SNTG1: variants seen among roughly 807,000 people sequenced by gnomAD.
SNTG1 encodes gamma-1-syntrophin.
A neutral mutation model predicts 74.7 loss-of-function variants in SNTG1; 39 were observed. The ratio of observed to expected loss-of-function variants is 0.52; its 90% confidence interval spans 0.40 to 0.68. The LOEUF is 0.68. Ranked by LOEUF, SNTG1 falls within the 30% of genes least tolerant of loss-of-function variation. SNTG1 has a pLI of 0.00. For synonymous variants in SNTG1, 254 were observed against 217.1 expected (o/e 1.17, Z -1.49); for missense variants, 685 against 609.5 (o/e 1.12, Z -1.30).
intron 13 of SNTG1, among the ~76,000 whole-genome samples, chr8:50,614,736 A>T (rs1011502358): frequency 6.6e-5 from 10 of 152,178 alleles, no homozygotes; most frequent in Admixed American, 2.6e-4. Flanking sequence ...ATTGAAAATG[A>T]AATTTCAAAA....
chr8:50,106,258 G>A (rs1192312216), intron 1 of SNTG1, among the ~76,000 whole-genome samples: 1 of 152,070 alleles, frequency 6.6e-6, no homozygotes, highest in Non-Finnish European at 1.5e-5. Context: ...AGAGCAAGGA[G>A]AGGAATTGTC....
chr8:50,422,337 T>TATCAC (rs1454421439), intron 4 of SNTG1, among the ~76,000 whole-genome samples: 16 of 151,578 alleles, frequency 1.1e-4, no homozygotes, highest in Non-Finnish European at 2.1e-4. Context: ...CAAAAAGATA[T>TATCAC]ATAGAAGGAC....
chr8:50,778,668 A>T (rs557837425), intron 18 of SNTG1, among the ~76,000 whole-genome samples: 1 of 127,818 alleles, frequency 7.8e-6, no homozygotes, highest in Non-Finnish European at 1.5e-5. Context: ...GTTCACTCTG[A>T]TGGTAGTTTC....
chr8:50,697,228 G>T (rs1268503887), intron 15 of SNTG1, among the ~76,000 whole-genome samples: 1 of 151,796 alleles, frequency 6.6e-6, no homozygotes, highest in East Asian at 1.9e-4. Flanking sequence ...CCTTTCAACT[G>T]CATTATTGTT....
chr8:50,645,857 C>T (rs1233899646), intron 13 of SNTG1, among the ~76,000 whole-genome samples: 2 of 151,762 alleles, frequency 1.3e-5, no homozygotes, highest in Non-Finnish European at 2.9e-5. Context: ...TCTGTTTTAG[C>T]CTCTCGGCAA....
chr8:49,993,341 T>C (rs1408938953), intron 1 of SNTG1, among the ~76,000 whole-genome samples: 1 of 147,502 alleles, frequency 6.8e-6, no homozygotes, highest in Non-Finnish European at 1.5e-5. Flanking sequence ...TTAAAAATTT[T>C]TCTTCCTCTG....
At chr8:50,387,448 A>G (rs556752569) in intron 2 of SNTG1, among the ~76,000 whole-genome samples, 2 of 152,238 alleles carry the variant, frequency 1.3e-5, no homozygotes, top group Admixed American at 6.5e-5. Flanking sequence ...CTTCCTCTGC[A>G]GTGTACCAAG....
chr8:50,274,056 C>T (rs537728960), intron 2 of SNTG1, among the ~76,000 whole-genome samples: 22 of 152,140 alleles, frequency 1.4e-4, no homozygotes, highest in African/African-American at 5.1e-4. Context: ...TATAAGAGCA[C>T]AACTGAATTT....
At chr8:50,392,558 A>G (rs538002501) in intron 2 of SNTG1, among the ~76,000 whole-genome samples, 2 of 152,316 alleles carry the variant, frequency 1.3e-5, no homozygotes, top group South Asian at 2.1e-4. Context: ...CTTTAGCAAG[A>G]GTAACTTCAT....
rs78616145 is a variant in SNTG1, at chr8:50,027,146, G to A, written c.-103+114915G>A. On this transcript the variant is annotated intron_variant, in intron 1 of 18. Transcript: ENST00000642720. ...TTCTGTGTTTAAAACAAGCAAAAGT[G>A]GGGGTGAAAGCGGGTGCTTTGATGG... is the stretch of plus-strand genomic sequence containing the variant. 5.5e-3 allele frequency among the ~76,000 whole-genome samples: 837 copies of A among 152,256 alleles called. 11 individuals carry two copies. The highest frequency in any genetic ancestry group is 0.019 in the African/African-American group (795 of 41,552).
intron 4 of SNTG1, among the ~76,000 whole-genome samples, chr8:50,406,132 T>C (rs1237913492): frequency 6.6e-6 from 1 of 152,114 alleles, no homozygotes; most frequent in East Asian, 1.9e-4. Flanking sequence ...AGATCACTTT[T>C]AGTAGTATGG....
Position 50,493,244 on chromosome 8 carries a change from T to G in SNTG1, c.364-9534T>G, listed in dbSNP as rs189946008. On this transcript the variant is annotated intron_variant, in intron 8 of 18. Transcript: ENST00000642720. ...CTGGCACCTTCTATGCATATGATCC[T>G]TTAGATGATATATTCTGTACAGAGG... Among the ~76,000 whole-genome samples the G allele has an allele frequency of 9.1e-4, 138 of 152,256 alleles. 1 individual carries two copies. The highest frequency in any genetic ancestry group is 3.2e-3 in the African/African-American group (134 of 41,556).
chr8:50,053,400 T>C (rs979806557), intron 1 of SNTG1, among the ~76,000 whole-genome samples: 5 of 151,958 alleles, frequency 3.3e-5, no homozygotes, highest in African/African-American at 1.2e-4. Context: ...CATAGAAATA[T>C]AAATAGACTG....
At chr8:50,361,979 C>A (rs1482264220) in intron 2 of SNTG1, among the ~76,000 whole-genome samples, 3 of 152,132 alleles carry the variant, frequency 2.0e-5, no homozygotes, top group African/African-American at 7.2e-5. Context: ...GCAGAGTTTG[C>A]AGGACTAGAA....
At chr8:50,654,714 A>G (rs2095169879) in intron 13 of SNTG1, among the ~76,000 whole-genome samples, 1 of 152,110 alleles carries the variant, frequency 6.6e-6, no homozygotes, top group South Asian at 2.1e-4. Context: ...AAGAATTTCC[A>G]TTTTCTTTAG....
intron 1 of SNTG1, among the ~76,000 whole-genome samples, chr8:49,951,002 C>T (rs187630501): frequency 2.2e-4 from 33 of 152,266 alleles, no homozygotes; most frequent in African/African-American, 6.7e-4. Context: ...CCTAAAACGT[C>T]TTTTGTTCAT....
chr8:50,625,825 A>G (rs1453210573), intron 13 of SNTG1, among the ~76,000 whole-genome samples: 3 of 152,224 alleles, frequency 2.0e-5, no homozygotes, highest in African/African-American at 7.2e-5. Context: ...ATTCTTAAAA[A>G]TGACAAGAGT....
chr8:50,132,338 C>G (rs143716632), intron 1 of SNTG1, among the ~76,000 whole-genome samples: 1 of 151,950 alleles, frequency 6.6e-6, no homozygotes, highest in Non-Finnish European at 1.5e-5. Context: ...TTGAAACATC[C>G]TAAATTTTAT....
At chr8:50,665,532 C>A (rs990240421) in intron 15 of SNTG1, among the ~76,000 whole-genome samples, 33 of 152,104 alleles carry the variant, frequency 2.2e-4, no homozygotes, top group African/African-American at 7.7e-4. Context: ...CTCTCCATTT[C>A]TCAATATTAT....
Sources: allele counts gnomAD v4.1 joint callset (sites outside exome capture counted in the v4.1 genomes callset), GRCh38; gene constraint gnomAD v4.1.1; transcripts MANE v1.5; gene names NCBI Gene and HGNC (gene_info 2026-07-23, HGNC 2026-07-21).